The following CDH18 variants were observed in gnomAD, a reference collection of about 807,000 sequenced individuals.
CDH18 encodes the protein cadherin 18, also known as cadherin-18.
CDH18 carries 31 observed loss-of-function variants against 67.9 expected under a neutral mutation model. The observed-to-expected ratio is 0.46, with a 90% CI of 0.34 to 0.62. The LOEUF (loss-of-function observed/expected upper bound fraction) is 0.62, where lower values mean the gene tolerates loss of function less well. Ranked by LOEUF, CDH18 falls within the 20% of genes least tolerant of loss-of-function variation. CDH18 has a pLI of 0.01. For missense variants in CDH18, 890 were observed against 975.5 expected (o/e 0.91, Z 1.17); for synonymous variants, 362 against 347.2 (o/e 1.04, Z -0.48).
intron 6 of CDH18, among the ~76,000 whole-genome samples, chr5:19,611,702 T>G (rs1748992356): frequency 6.6e-6 from 1 of 152,154 alleles, no homozygotes; most frequent in African/African-American, 2.4e-5. Flanking sequence ...TATTTGTGAT[T>G]ATTAGTGACT....
intron 1 of CDH18, among the ~76,000 whole-genome samples, chr5:20,383,932 GA>G (rs1744107122): frequency 6.6e-6 from 1 of 151,750 alleles, no homozygotes; most frequent in African/African-American, 2.4e-5. Flanking sequence ...AACCAGACAA[GA>G]ATGACTTATG....
At chr5:19,687,114 A>G (rs1761200708) in intron 5 of CDH18, among the ~76,000 whole-genome samples, 1 of 152,174 alleles carries the variant, frequency 6.6e-6, no homozygotes, top group African/African-American at 2.4e-5. Context: ...GAGCCTGGAA[A>G]GGCTCCCCAC....
At chr5:19,993,360 A>G (rs1050231790) in intron 2 of CDH18, among the ~76,000 whole-genome samples, 1 of 152,174 alleles carries the variant, frequency 6.6e-6, no homozygotes, top group Non-Finnish European at 1.5e-5. Context: ...ATAGCAAAGC[A>G]CCACAATGAA....
At chr5:20,249,621 C>G (rs1580582148) in intron 2 of CDH18, among the ~76,000 whole-genome samples, 1 of 152,038 alleles carries the variant, frequency 6.6e-6, no homozygotes, top group African/African-American at 2.4e-5. Context: ...CCGCCCGCCT[C>G]GGCCTCCCAA....
intron 3 of CDH18, among the ~76,000 whole-genome samples, chr5:19,760,705 T>G (rs1449154116): frequency 1.3e-5 from 2 of 152,176 alleles, no homozygotes; most frequent in South Asian, 4.1e-4. Flanking sequence ...GTGTGGTGCA[T>G]GTCCTCATGT....
chr5:20,264,352 T>G (rs1744877252), intron 1 of CDH18, among the ~76,000 whole-genome samples: 1 of 152,114 alleles, frequency 6.6e-6, no homozygotes, highest in Non-Finnish European at 1.5e-5. Flanking sequence ...AAAATGTAAA[T>G]ATTAGCATAA....
Position 20,094,507 on chromosome 5 carries a change from A to C in CDH18, c.-517-102493T>G, listed in dbSNP as rs552810588. Among the ~76,000 whole-genome samples the C allele has an allele frequency of 1.2e-4, 19 of 152,270 alleles. 1 individual carries two copies. The Middle Eastern group carries it at 0.01, about 82-fold the overall frequency. ...TTTTCTAATTCTGTGAAGAAAGTCAATGGTAGCTTGATGGGAATAGCATTG... is the reference window on the plus strand; with the variant it reads ...TTTTCTAATTCTGTGAAGAAAGTCACTGGTAGCTTGATGGGAATAGCATTG... On this transcript the variant is annotated intron_variant, in intron 2 of 14. Transcript: ENST00000507958.
intron 2 of CDH18, among the ~76,000 whole-genome samples, chr5:20,072,339 G>A (rs954999243): frequency 1.3e-5 from 2 of 152,034 alleles, no homozygotes; most frequent in African/African-American, 4.8e-5. Flanking sequence ...ACTCTACCAG[G>A]TATCTGGGAT....
At chr5:19,772,742 CA>C (rs2149745193) in intron 3 of CDH18, among the ~76,000 whole-genome samples, 1 of 152,260 alleles carries the variant, frequency 6.6e-6, no homozygotes, top group South Asian at 2.1e-4. Context: ...CCCAAGATCA[CA>C]AAGCTGCTAA....
chr5:19,855,357 T>C (rs1409085112), intron 2 of CDH18, among the ~76,000 whole-genome samples: 1 of 152,146 alleles, frequency 6.6e-6, no homozygotes, highest in Non-Finnish European at 1.5e-5. Context: ...CATTTATATC[T>C]CCTTCTTTAT....
intron 2 of CDH18, among the ~76,000 whole-genome samples, chr5:20,078,736 G>A (rs1744181584): frequency 6.6e-6 from 1 of 151,790 alleles, no homozygotes; most frequent in Non-Finnish European, 1.5e-5. Flanking sequence ...TCAAGTAGCT[G>A]GGACTACAGG....
intron 2 of CDH18, among the ~76,000 whole-genome samples, chr5:20,199,703 C>T (rs1739292311): frequency 6.6e-6 from 1 of 152,148 alleles, no homozygotes; most frequent in Admixed American, 6.5e-5. Flanking sequence ...GCTGTTTCCT[C>T]ACCCAAATAT....
chr5:20,434,703 C>T lies in CDH18; in HGVS notation c.-580+140759G>A, dbSNP rs560230580. ...GGATAGCAGAATTACCTAGGTTCTC[C>T]TAATCAGACCAACTGGTTTGAGGTT... On this transcript the variant is annotated intron_variant, in intron 1 of 14. Coordinates refer to the CDH18 transcript ENST00000507958. Among the ~76,000 whole-genome samples, 4 of 152,068 alleles carry T rather than the reference C, an allele frequency of 2.6e-5. No homozygotes were observed. In the South Asian group the frequency reaches 8.3e-4, roughly 32 times the overall value.
At chr5:19,852,057 T>A (rs923619040) in intron 2 of CDH18, among the ~76,000 whole-genome samples, 1 of 152,080 alleles carries the variant, frequency 6.6e-6, no homozygotes, top group African/African-American at 2.4e-5. Flanking sequence ...TTGTATCATG[T>A]CAACTTCATA....
chr5:20,428,444 C>A (rs917014619), intron 1 of CDH18, among the ~76,000 whole-genome samples: 1 of 152,146 alleles, frequency 6.6e-6, no homozygotes, highest in Non-Finnish European at 1.5e-5. Flanking sequence ...ATTTATAAAC[C>A]TTTGGGTATA....
chr5:19,879,176 A>G lies in CDH18; in HGVS notation c.-256-39934T>C, dbSNP rs535395750. On this transcript the variant is annotated intron_variant, in intron 2 of 12. Coordinates refer to ENST00000382275, the MANE Select transcript of CDH18 (RefSeq NM_004934.5). The stretch of plus-strand genomic sequence containing the variant: ...TAGTGCTTTAATCTAAGCAGAATCA[A>G]TTTTTTTAAAAAAGCAAGTGTAATG... 4.0e-4 allele frequency among the ~76,000 whole-genome samples: 61 copies of G among 152,064 alleles called. 1 individual carries two copies. The East Asian group carries it at 0.011, about 28-fold the overall frequency.
chr5:20,504,779 T>G (rs2126458812), intron 1 of CDH18, among the ~76,000 whole-genome samples: 1 of 145,466 alleles, frequency 6.9e-6, no homozygotes, highest in African/African-American at 2.5e-5. Flanking sequence ...TTTTTTTTTT[T>G]TTTTTTGAGA....
At chr5:20,352,382 T>C (rs1263868323) in intron 1 of CDH18, among the ~76,000 whole-genome samples, 1 of 152,026 alleles carries the variant, frequency 6.6e-6, no homozygotes, top group Non-Finnish European at 1.5e-5. Context: ...AGTCAAAAAT[T>C]ATACATAGAT....
At chr5:19,760,383 C>T (rs562068767) in intron 3 of CDH18, among the ~76,000 whole-genome samples, 53 of 152,230 alleles carry the variant, frequency 3.5e-4, no homozygotes, top group African/African-American at 1.1e-3. Flanking sequence ...TCCACGATCC[C>T]GATTTCCCTA....
Sources: allele counts gnomAD v4.1 joint callset (sites outside exome capture counted in the v4.1 genomes callset), GRCh38; gene constraint gnomAD v4.1.1; transcripts MANE v1.5; gene names NCBI Gene and HGNC (gene_info 2026-07-23, HGNC 2026-07-21).